PTPRT: variants seen among roughly 807,000 people sequenced by gnomAD.
The protein encoded by PTPRT is receptor-type tyrosine-protein phosphatase T.
In PTPRT, 56 loss-of-function variants were observed where a neutral mutation model predicts 176.8. The ratio of observed to expected loss-of-function variants is 0.32; its 90% confidence interval spans 0.26 to 0.40. The LOEUF (loss-of-function observed/expected upper bound fraction) is 0.40, where lower values mean the gene tolerates loss of function less well. Among genes scored for constraint, PTPRT ranks in the 10% least tolerant of loss-of-function variants. PTPRT has a pLI of 1.00. For missense variants in PTPRT, 1,540 were observed against 1,908.2 expected (o/e 0.81, Z 3.60); for synonymous variants, 783 against 739.0 (o/e 1.06, Z -0.96).
At chr20:42,155,592 G>T (rs1042525887) in intron 17 of PTPRT, among the ~76,000 whole-genome samples, 1 of 152,178 alleles carries the variant, frequency 6.6e-6, no homozygotes, top group Non-Finnish European at 1.5e-5. Flanking sequence ...AATACTTAAT[G>T]AATGTTATAG....
intron 1 of PTPRT, among the ~76,000 whole-genome samples, chr20:43,009,420 T>C (rs1457866652): frequency 2.0e-5 from 3 of 152,094 alleles, no homozygotes. Flanking sequence ...CAGAGTGTTA[T>C]GGGCCATGAA....
At position 42,985,808 on chromosome 20, in the gene PTPRT, C is replaced by A. The variant is rs143933461; in HGVS notation, c.89-99876G>T. ...GTCTAGCGGGGGGATGAGGAGTGCG[C>A]CCCCCAGAGCCAGGGGAAGGTTGAT... On this transcript the variant is annotated intron_variant, in intron 1 of 30. Transcript: ENST00000373187. 9.9e-5 allele frequency among the ~76,000 whole-genome samples: 15 copies of A among 152,118 alleles called. No individual in the cohort carries two copies. In the East Asian group the frequency reaches 2.5e-3, roughly 26 times the overall value.
chr20:43,169,733 A>G (rs2014948773), intron 1 of PTPRT, among the ~76,000 whole-genome samples: 1 of 152,014 alleles, frequency 6.6e-6, no homozygotes, highest in South Asian at 2.1e-4. Flanking sequence ...TAATGAGGTC[A>G]TCACCATCTT....
intron 1 of PTPRT, among the ~76,000 whole-genome samples, chr20:43,125,874 G>T (rs6072986): frequency 7.9e-5 from 12 of 151,956 alleles, no homozygotes; most frequent in African/African-American, 2.9e-4. Context: ...TATTAAAGGC[G>T]AATTATGTTG....
intron 1 of PTPRT, chr20:42,969,363 T>A (rs1164026966): frequency 1.3e-5 from 2 of 152,068 alleles, no homozygotes; most frequent in Admixed American, 1.3e-4. Flanking sequence ...ACTCTGGGCT[T>A]CAGATCAGAG....
At chr20:42,315,264 A>G (rs1251332424) in intron 12 of PTPRT, among the ~76,000 whole-genome samples, 2 of 151,970 alleles carry the variant, frequency 1.3e-5, no homozygotes, top group Admixed American at 6.6e-5. Flanking sequence ...AATGTGACCA[A>G]TGGCAATGAA....
chr20:43,038,084 T>C (rs142930093), intron 1 of PTPRT, among the ~76,000 whole-genome samples: 1 of 151,382 alleles, frequency 6.6e-6, no homozygotes, highest in East Asian at 1.9e-4. Context: ...GACTTAGCTT[T>C]GCAGTCATAT....
At chr20:43,087,131 A>G (rs750114634) in intron 1 of PTPRT, among the ~76,000 whole-genome samples, 11 of 152,204 alleles carry the variant, frequency 7.2e-5, no homozygotes, top group Non-Finnish European at 7.3e-5. Context: ...TGTCTTTTCC[A>G]GAATTATGAA....
chr20:42,421,154 C>T (rs537729450), intron 9 of PTPRT, among the ~76,000 whole-genome samples: 1 of 152,110 alleles, frequency 6.6e-6, no homozygotes, highest in Non-Finnish European at 1.5e-5. Flanking sequence ...CTGATTACCT[C>T]CCATCTTTCT....
At chr20:42,427,228 C>T (rs764009926) in intron 9 of PTPRT, among the ~76,000 whole-genome samples, 13 of 152,154 alleles carry the variant, frequency 8.5e-5, no homozygotes, top group Non-Finnish European at 1.6e-4. Context: ...TACTGCATGG[C>T]AATACTTTAC....
chr20:42,983,914 C>G (rs1983417967), intron 1 of PTPRT, among the ~76,000 whole-genome samples: 1 of 152,220 alleles, frequency 6.6e-6, no homozygotes, highest in African/African-American at 2.4e-5. Context: ...CCTTCTCCAC[C>G]ACCAACACAC....
chr20:42,626,208 G>A (rs2074287122), intron 7 of PTPRT, among the ~76,000 whole-genome samples: 1 of 152,058 alleles, frequency 6.6e-6, no homozygotes. Context: ...ATCAAAAACT[G>A]AATATCTCTT....
At position 42,079,520 on chromosome 20, in the gene PTPRT, T is replaced by G. The variant is rs1375410433; in HGVS notation, c.*1359A>C. On this transcript the variant is annotated 3_prime_UTR_variant, in exon 31 of 31. Coordinates refer to ENST00000373187, the MANE Select transcript of PTPRT (RefSeq NM_007050.6). ...TCTCCTGGGGGTTCTAAGGACTGTG[T>G]GAAATGTCCTATGGAAAGTGCCAAG... 1 of 222,748 alleles carries G rather than the reference T, an allele frequency of 4.5e-6. No homozygotes were observed. The highest frequency in any genetic ancestry group is 9.0e-6 in the Non-Finnish European group (1 of 111,442). 13.8% of individuals were successfully genotyped at this position (222,748 alleles called of 1,614,324 possible). A position where few individuals can be genotyped will look rare whatever the true frequency, so the allele number is the denominator to read the frequency against.
chr20:42,700,612 C>T (rs1002475302), intron 6 of PTPRT, among the ~76,000 whole-genome samples: 1 of 152,160 alleles, frequency 6.6e-6, no homozygotes, highest in Non-Finnish European at 1.5e-5. Context: ...GAATTCCTCG[C>T]ATCCCTCGTT....
chr20:42,491,670 G>A (rs180770220), intron 7 of PTPRT, among the ~76,000 whole-genome samples: 70 of 152,278 alleles, frequency 4.6e-4, no homozygotes, highest in Admixed American at 2.3e-3. Flanking sequence ...GAAGCAGAGA[G>A]TGAATCCTCG....
the PTPRT span, among the ~76,000 whole-genome samples, chr20:42,060,823 C>G: frequency 6.6e-6 from 1 of 152,198 alleles, no homozygotes; most frequent in Non-Finnish European, 1.5e-5. Flanking sequence ...CCCAAATCTT[C>G]TGTAGAAGAA....
At chr20:42,883,161 C>T (rs774299279) in intron 2 of PTPRT, among the ~76,000 whole-genome samples, 3 of 152,166 alleles carry the variant, frequency 2.0e-5, no homozygotes, top group African/African-American at 4.8e-5. Flanking sequence ...AAAGAAGTAA[C>T]ATGAACATGC....
chr20:43,150,431 G>T (rs892772506), intron 1 of PTPRT, among the ~76,000 whole-genome samples: 1 of 152,066 alleles, frequency 6.6e-6, no homozygotes, highest in Non-Finnish European at 1.5e-5. Context: ...TAATCACAAC[G>T]GTTGTCACGA....
intron 7 of PTPRT, among the ~76,000 whole-genome samples, chr20:42,578,978 T>C (rs1446695299): frequency 1.3e-5 from 2 of 151,252 alleles, no homozygotes; most frequent in African/African-American, 2.4e-5. Context: ...TACATATGTA[T>C]ACATGTGCCA....
Sources: allele counts gnomAD v4.1 joint callset (sites outside exome capture counted in the v4.1 genomes callset), GRCh38; gene constraint gnomAD v4.1.1; transcripts MANE v1.5; gene names NCBI Gene and HGNC (gene_info 2026-07-23, HGNC 2026-07-21).